The following DMD variants were observed in gnomAD, a reference collection of about 807,000 sequenced individuals.
DMD encodes the protein dystrophin, also known as mutant dystrophin.
DMD carries 63 observed loss-of-function variants against 330.1 expected under a neutral mutation model. The ratio of observed to expected loss-of-function variants is 0.19; its 90% CI spans 0.16 to 0.24. The LOEUF (loss-of-function observed/expected upper bound fraction) is 0.24, where lower values mean the gene tolerates loss of function less well. Among genes scored for constraint, DMD ranks in the 10% least tolerant of loss-of-function variants. The probability of loss-of-function intolerance (pLI) is 1.00; values close to 1 mark genes in which losing one functional copy is unlikely to be tolerated. For synonymous variants in DMD, 1,223 were observed against 959.8 expected (o/e 1.27, Z -5.07); for missense variants, 3,344 against 2,684.1 (o/e 1.25, Z -5.43).
chrX:31,602,572 T>A (rs1383191397), intron 55 of DMD, among the ~76,000 whole-genome samples: 1 of 111,237 alleles, frequency 9.0e-6, no homozygotes, highest in Non-Finnish European at 1.9e-5. Context: ...ACCAAGCAGA[T>A]AATAAGTTTA....
intron 3 of DMD, among the ~76,000 whole-genome samples, chrX:32,847,328 A>C (rs921873926): frequency 8.9e-6 from 1 of 111,940 alleles, no homozygotes; most frequent in African/African-American, 3.2e-5. Flanking sequence ...GGGAACTTAA[A>C]ATCTGCCCCT....
intron 1 of DMD, among the ~76,000 whole-genome samples, chrX:33,090,675 T>C (rs917146540): frequency 9.1e-6 from 1 of 110,189 alleles, no homozygotes; most frequent in Non-Finnish European, 1.9e-5. Context: ...ATTATATATA[T>C]CAAGCATATG....
chrX:32,094,833 G>A (rs1209100811), intron 44 of DMD, among the ~76,000 whole-genome samples: 1 of 111,711 alleles, frequency 9.0e-6, no homozygotes, highest in Non-Finnish European at 1.9e-5. Flanking sequence ...ATGCTTAGTG[G>A]CTTGTGGCAG....
chrX:32,751,479 C>G (rs2070804815), intron 7 of DMD, among the ~76,000 whole-genome samples: 1 of 111,587 alleles, frequency 9.0e-6, no homozygotes. Flanking sequence ...GGAGAAACTT[C>G]TAAGCAGCAA....
intron 1 of DMD, among the ~76,000 whole-genome samples, chrX:33,090,209 T>C (rs1366954566): frequency 9.1e-6 from 1 of 110,414 alleles, no homozygotes; most frequent in Non-Finnish European, 1.9e-5. Context: ...ATTGGACTTA[T>C]AATAATTTAG....
intron 1 of DMD, among the ~76,000 whole-genome samples, chrX:33,081,220 A>T (rs2094925516): frequency 9.0e-6 from 1 of 111,586 alleles, no homozygotes; most frequent in Non-Finnish European, 1.9e-5. Flanking sequence ...GGAGAGAAAT[A>T]CTACGGGAGA....
chrX:31,980,335 C>T (rs1282211750), intron 44 of DMD, among the ~76,000 whole-genome samples: 2 of 111,800 alleles, frequency 1.8e-5, no homozygotes, highest in Non-Finnish European at 3.8e-5. Context: ...TGTGGTATAT[C>T]TATACAATAG....
chrX:32,562,518 A>C, intron 16 of DMD, among the ~76,000 whole-genome samples: 1 of 112,904 alleles, frequency 8.9e-6, no homozygotes. Flanking sequence ...AATAGGTTTT[A>C]ACCATTATGA....
At chrX:31,384,198 T>A (rs2148742988) in intron 60 of DMD, among the ~76,000 whole-genome samples, 1 of 111,484 alleles carries the variant, frequency 9.0e-6, no homozygotes, top group South Asian at 3.8e-4. Context: ...TCCTCTCCCA[T>A]GAGGGGTGGA....
intron 61 of DMD, among the ~76,000 whole-genome samples, chrX:31,347,695 G>A (rs996306765): frequency 1.8e-5 from 2 of 112,535 alleles, no homozygotes; most frequent in South Asian, 7.4e-4. Context: ...AAGCATGCAA[G>A]TGCAGGTACC....
chrX:31,934,915 TTCTC>T (rs1055308682), intron 45 of DMD, among the ~76,000 whole-genome samples: 2 of 112,256 alleles, frequency 1.8e-5, no homozygotes, highest in Non-Finnish European at 3.8e-5. Flanking sequence ...TCATTGACAA[TTCTC>T]TCTTATTTAA....
chrX:31,518,714 T>C (rs1214891814), intron 55 of DMD, among the ~76,000 whole-genome samples: 4 of 110,805 alleles, frequency 3.6e-5, no homozygotes, highest in African/African-American at 1.3e-4. Flanking sequence ...CTTACAGCCC[T>C]TATAAATCCT....
At chrX:32,886,508 C>T (rs940568405) in intron 2 of DMD, among the ~76,000 whole-genome samples, 6 of 109,477 alleles carry the variant, frequency 5.5e-5, no homozygotes, top group Non-Finnish European at 1.1e-4. Flanking sequence ...ACGGTGAAAC[C>T]CCGTCTCTAC....
At chrX:32,766,579 T>C (rs1365415015) in intron 7 of DMD, among the ~76,000 whole-genome samples, 1 of 111,586 alleles carries the variant, frequency 9.0e-6, no homozygotes, top group Non-Finnish European at 1.9e-5. Context: ...TTATTAGTTC[T>C]AGCAGGTTTT....
chrX:32,751,443 G>A (rs1382194654), intron 7 of DMD, among the ~76,000 whole-genome samples: 1 of 111,648 alleles, frequency 9.0e-6, no homozygotes, highest in Admixed American at 9.5e-5. Context: ...TTGAGCTTGA[G>A]AGGGGTGATT....
chrX:32,307,277 A>G (rs1463173320), intron 42 of DMD, among the ~76,000 whole-genome samples: 1 of 111,322 alleles, frequency 9.0e-6, no homozygotes, highest in Non-Finnish European at 1.9e-5. Context: ...TTAATCCTGG[A>G]ACAGAATTTT....
chrX:31,291,210 G>A (rs1438033408), intron 62 of DMD, among the ~76,000 whole-genome samples: 2 of 110,434 alleles, frequency 1.8e-5, no homozygotes, highest in Admixed American at 1.9e-4. Context: ...GCTAAATTTG[G>A]CATGCACAAA....
chrX:32,821,803 G>C (rs1201617087), intron 5 of DMD, among the ~76,000 whole-genome samples: 1 of 109,742 alleles, frequency 9.1e-6, no homozygotes, highest in Non-Finnish European at 1.9e-5. Context: ...GGCTGGGGTG[G>C]GAGTGAAAAA....
chrX:32,639,206 T>C (rs2059291197), intron 11 of DMD, among the ~76,000 whole-genome samples: 1 of 112,182 alleles, frequency 8.9e-6, no homozygotes, highest in South Asian at 3.7e-4. Flanking sequence ...GTAAATCTTT[T>C]TTGCTCTCTG....
Sources: allele counts gnomAD v4.1 joint callset (sites outside exome capture counted in the v4.1 genomes callset), GRCh38; gene constraint gnomAD v4.1.1; transcripts MANE v1.5; gene names NCBI Gene and HGNC (gene_info 2026-07-23, HGNC 2026-07-21).